Variants in PKHD1L1 observed in about 807,000 individuals in gnomAD.
The protein encoded by PKHD1L1 is PKHD1 like 1.
Under a neutral mutation model 462.9 loss-of-function variants are expected in PKHD1L1, and 434 were observed. The observed-to-expected ratio is 0.94, with a 90% CI of 0.87 to 1.02. The LOEUF is 1.02. PKHD1L1 is among the 50% of genes least tolerant of loss of function. The probability of loss-of-function intolerance (pLI) is 0.00; values close to 1 mark genes in which losing one functional copy is unlikely to be tolerated. For missense variants in PKHD1L1, 5,202 were observed against 5,096.1 expected (o/e 1.02, Z -0.63); for synonymous variants, 1,781 against 1,750.0 (o/e 1.02, Z -0.44).
intron 38 of PKHD1L1, 67 bp downstream of exon 38, chr8:109,445,712 G>A (rs1816100143): frequency 1.4e-5 from 20 of 1,397,464 alleles, no homozygotes; most frequent in Non-Finnish European, 1.9e-5. Flanking sequence ...TATGGAATTG[G>A]AATGATATTT....
In PKHD1L1 at chr8:109,381,432, C is replaced by CAA. The variant is rs1400355921; in HGVS notation, c.227_228dup (p.Leu77AsnfsTer2). 1 of 1,583,050 alleles carries CAA rather than the reference C, an allele frequency of 6.3e-7. No individual in the cohort carries two copies. Among genetic ancestry groups the CAA allele is most frequent in the Non-Finnish European group, 8.6e-7 (1 of 1,162,676 alleles). ...TAACGCTGAGTTGGGAAACAGTGTG[C>CAA]AATTAATTTCTTCTTTCCAGTCAAT... is the stretch of plus-strand genomic sequence containing the variant. On this transcript the variant is annotated frameshift_variant, in exon 3 of 78. Transcript: ENST00000378402. LOFTEE classifies it high-confidence loss of function.
intron 63 of PKHD1L1, 72 bp from the exon 64 acceptor site, chr8:109,496,847 C>T: frequency 6.9e-7 from 1 of 1,453,822 alleles, no homozygotes; most frequent in African/African-American, 1.4e-5. Context: ...TTAACTTTAA[C>T]TGATACTGCT....
At position 109,377,475 on chromosome 8, in the gene PKHD1L1, G is replaced by A. The variant is rs193015818; in HGVS notation, c.164-3895G>A. Among the ~76,000 whole-genome samples the A allele has an allele frequency of 1.8e-3, 277 of 152,172 alleles. 2 individuals carry two copies. Among genetic ancestry groups the A allele is most frequent in the African/African-American group, 6.4e-3 (264 of 41,536 alleles). On this transcript the variant is annotated intron_variant, in intron 2 of 77. Transcript: ENST00000378402. ...ATGACATGGATACAAATTTGCTAGT[G>A]CAAAAGAAAAATTTTCATAGTTTCA...
In PKHD1L1 at chr8:109,497,289, G is replaced by C; in HGVS notation, c.10599+17G>C. The C allele has an allele frequency of 6.2e-7, 1 of 1,608,344 alleles. No homozygotes were observed. The highest frequency in any genetic ancestry group is 1.1e-5 in the South Asian group (1 of 90,678). On this transcript the variant is annotated intron_variant, in intron 65 of 77. Transcript: ENST00000378402. The stretch of plus-strand genomic sequence containing the variant: ...CAAATTAAGGTAAGAAATTAATACA[G>C]CCACACCATGGAGAAAAAAATAACT...
rs1819137857 is a variant in PKHD1L1 at position 109,497,208 on chromosome 8, T to A, written c.10535T>A (p.Phe3512Tyr). Residue 3512 changes from phenylalanine to tyrosine, a missense_variant, in exon 65 of 78, where the codon TTT becomes TAT. Physicochemically the swap from Phe to Tyr is conservative, Grantham distance 22. This residue lies in a region of PKHD1L1 where 4,497 missense variants were observed against 4,336.8 expected (regional missense o/e 1.04). Coordinates refer to ENST00000378402, the MANE Select transcript of PKHD1L1 (RefSeq NM_177531.6). The part of the protein sequence containing the change: ...VTLVDNGMAI[F>Y]PMIYMPAAIS... ...CTGGTTGACAATGGAATGGCCATTTTTCCAATGATTTACATGCCAGCTGCT... is the reference window on the plus strand; with the variant it reads ...CTGGTTGACAATGGAATGGCCATTTATCCAATGATTTACATGCCAGCTGCT... The A allele has an allele frequency of 6.2e-7, 1 of 1,613,720 alleles. No homozygotes were observed. Among genetic ancestry groups the A allele is most frequent in the Non-Finnish European group, 8.5e-7 (1 of 1,179,686 alleles).
chr8:109,450,930 G>T, intron 40 of PKHD1L1, 45 bp from the exon 41 acceptor site: 1 of 1,532,960 alleles, frequency 6.5e-7, no homozygotes, highest in Admixed American at 1.9e-5. Context: ...AAATGAATCA[G>T]GGCCCGATGG....
intron 2 of PKHD1L1, among the ~76,000 whole-genome samples, chr8:109,369,558 G>T (rs1291388622): frequency 6.6e-6 from 1 of 151,892 alleles, no homozygotes; most frequent in Non-Finnish European, 1.5e-5. Context: ...AATGGTTGTT[G>T]TCTTGAGAAT....
chr8:109,454,820 T>C lies in PKHD1L1; in HGVS notation c.6842T>C (p.Leu2281Pro). The C allele has an allele frequency of 1.2e-6, 2 of 1,613,812 alleles. No homozygotes were observed. The highest frequency in any genetic ancestry group is 1.7e-6 in the Non-Finnish European group (2 of 1,179,774). Residue 2281 changes from leucine to proline, a missense_variant, in exon 45 of 78, where the codon CTG becomes CCG. By Grantham distance (98) the Leu-to-Pro change is moderately conservative. Transcript: ENST00000378402. Reference protein sequence around the residue: ...PELPVYGAKTLAVREGILDLH... With the variant: ...PELPVYGAKTPAVREGILDLH... ...CTCCCTGTCTATGGTGCCAAAACAC[T>C]GGCTGTGCGGGAGGGAATCCTGGAT... is the stretch of plus-strand genomic sequence containing the variant.
Position 109,382,506 on chromosome 8 carries a change from G to A in PKHD1L1, c.352G>A (p.Gly118Arg), listed in dbSNP as rs371453637. Residue 118 changes from glycine to arginine, a missense_variant, in exon 4 of 78, where the codon GGG (glycine) becomes AGG (arginine). Gly to Arg is a moderately radical substitution (Grantham distance 125). Coordinates refer to ENST00000378402, the MANE Select transcript of PKHD1L1 (RefSeq NM_177531.6). ...CTACACTGTTAGAGTCAGTGTGGAC[G>A]GGGTTCCTGTTACGGAAAATAACAC... is the stretch of plus-strand genomic sequence containing the variant. Reference protein sequence around the residue: ...DSYTVRVSVDGVPVTENNTCK... With the variant: ...DSYTVRVSVDRVPVTENNTCK... The A allele has an allele frequency of 3.1e-5, 50 of 1,612,198 alleles. No individual in the cohort carries two copies. Among genetic ancestry groups the A allele is most frequent in the African/African-American group, 3.1e-4 (23 of 74,764 alleles).
chr8:109,508,225 G>A lies in PKHD1L1; in HGVS notation c.11356G>A (p.Val3786Met). The A allele has an allele frequency of 6.2e-7, 1 of 1,612,866 alleles. No homozygotes were observed. The highest frequency in any genetic ancestry group is 8.5e-7 in the Non-Finnish European group (1 of 1,179,322). The change falls in exon 70 of 78, where the codon GTG becomes ATG. Residue 3786 changes from valine (V) to methionine (M), a missense_variant. By Grantham distance (21) the Val-to-Met change is conservative (BLOSUM62 1). Around this residue, in one of 3 missense-constraint regions of PKHD1L1, gnomAD observed 698 missense variants for 736.3 expected, o/e 0.95. Transcript: ENST00000378402. ...CACAGAAACTCGAAGACTTTCCCCA[G>A]TGGCTATAATGGGCAACGGTTATGT... ...PDTETRRLSP[V>M]AIMGNGYVDL...
At position 109,456,296 on chromosome 8, in the gene PKHD1L1, T is replaced by A. The variant is rs777092041; in HGVS notation, c.6909T>A (p.Ala2303=). Residue 2303 remains alanine (A), a synonymous_variant, in exon 46 of 78, where the codon GCT becomes GCA. Transcript: ENST00000378402. ...VPVPVTWTRL[A]HTAKAGERIL... Reference sequence around the variant, plus strand: ...TTCCTGTGACCTGGACTCGCTTGGCTCATACTGCAAAGGCAGGGGAAAGAA... The same window carrying A: ...TTCCTGTGACCTGGACTCGCTTGGCACATACTGCAAAGGCAGGGGAAAGAA... 2 of 1,612,982 alleles carry A rather than the reference T, an allele frequency of 1.2e-6. No individual in the cohort carries two copies. The highest frequency in any genetic ancestry group is 2.2e-5 in the South Asian group (2 of 90,882).
At chr8:109,527,149 T>C in intron 77 of PKHD1L1, 129 bp downstream of exon 77, 1 of 786,590 alleles carries the variant, frequency 1.3e-6, no homozygotes. Flanking sequence ...ACAGCCTCAA[T>C]AGCAGAGACA....
rs1305424419 is a variant in PKHD1L1 at position 109,388,516 on chromosome 8, C to T, written c.589C>T (p.Pro197Ser). The T allele has an allele frequency of 2.0e-6, 3 of 1,518,176 alleles. No homozygotes were observed. Among genetic ancestry groups the T allele is most frequent in the South Asian group, 2.4e-5 (2 of 82,796 alleles). The allele number at this position is 1,518,176 out of a possible 1,614,324, so 94.0% of individuals were successfully genotyped here. The change falls in exon 7 of 78, where the codon CCC becomes TCC. Residue 197 changes from proline to serine, a missense_variant. Transcript: ENST00000378402. ...GTACAGAGTTTACATTGGAGGAATGCCCTGTGAGCTTCTCATACCACAATC... is the reference window on the plus strand; with the variant it reads ...GTACAGAGTTTACATTGGAGGAATGTCCTGTGAGCTTCTCATACCACAATC... ...RILRVYIGGM[P>S]CELLIPQSDN...
chr8:109,506,477 T>A (rs983146706), intron 68 of PKHD1L1, among the ~76,000 whole-genome samples: 4 of 152,182 alleles, frequency 2.6e-5, no homozygotes, highest in African/African-American at 9.7e-5. Flanking sequence ...AAACCACTTC[T>A]CTTCTCCCCC....
rs1480419994 is a variant in PKHD1L1, at chr8:109,487,892, GGA to G, written c.9880+1072_9880+1073del. Among the ~76,000 whole-genome samples, 131 of 116,472 alleles carry G rather than the reference GGA, an allele frequency of 1.1e-3. No homozygotes were observed. In the East Asian group the frequency reaches 0.022, roughly 19 times the overall value. The allele number at this position is 116,472 out of a possible 152,430, so 76.4% of individuals were successfully genotyped here. A position where few individuals can be genotyped will look rare whatever the true frequency, so the allele number is the denominator to read the frequency against. On this transcript the variant is annotated intron_variant, in intron 59 of 77. Transcript: ENST00000378402. Reference sequence around the variant, plus strand: ...ACAGAGAGAAAGAGAGAGAGAGAGAGGAAGGAAGGAAGGAAGGAAGGAAGGAA... The same window carrying G: ...ACAGAGAGAAAGAGAGAGAGAGAGAGAGGAAGGAAGGAAGGAAGGAAGGAA...
At chr8:109,381,539 A>G (rs1169991973) in intron 3 of PKHD1L1, 25 bp downstream of exon 3, 3 of 1,484,156 alleles carry the variant, frequency 2.0e-6, no homozygotes, top group Non-Finnish European at 2.7e-6. Flanking sequence ...ATCTTTAATA[A>G]AATCATTTTC....
intron 71 of PKHD1L1, among the ~76,000 whole-genome samples, chr8:109,512,544 C>T (rs2130994766): frequency 6.6e-6 from 1 of 151,842 alleles, no homozygotes; most frequent in African/African-American, 2.4e-5. Flanking sequence ...TGTTCTGTTC[C>T]ATTGATCTAT....
At chr8:109,460,966 T>C (rs1366901889) in intron 47 of PKHD1L1, among the ~76,000 whole-genome samples, 1 of 152,076 alleles carries the variant, frequency 6.6e-6, no homozygotes, top group Non-Finnish European at 1.5e-5. Context: ...TACTCAAGGG[T>C]CATTGGTCAG....
chr8:109,477,560 C>T (rs1399917660), intron 53 of PKHD1L1, among the ~76,000 whole-genome samples, 164 bp downstream of exon 53: 3 of 152,140 alleles, frequency 2.0e-5, no homozygotes, highest in Non-Finnish European at 4.4e-5. Flanking sequence ...CAAAAACCTT[C>T]GTGAGAAAAT....
Sources: gnomAD v4.1 joint callset for allele counts (sites outside exome capture counted in the v4.1 genomes callset) on GRCh38, gnomAD v4.1.1 for gene constraint, gnomAD v4.1.1 regional missense constraint, MANE v1.5 for transcripts, NCBI Gene and HGNC (gene_info 2026-07-23, HGNC 2026-07-21) for gene names.